RASGRF2: variants seen among roughly 807,000 people sequenced by gnomAD.
RASGRF2 encodes Ras protein specific guanine nucleotide releasing factor 2.
A neutral mutation model predicts 151.0 loss-of-function variants in RASGRF2; 76 were observed. That is an observed-to-expected ratio of 0.50 (90% CI 0.42 to 0.61). The LOEUF (loss-of-function observed/expected upper bound fraction) is 0.61. Among genes scored for constraint, RASGRF2 ranks in the 20% least tolerant of loss-of-function variants. The pLI, the probability that RASGRF2 is intolerant of heterozygous loss-of-function variation, is 0.00. For missense variants in RASGRF2, 1,148 were observed against 1,564.6 expected (o/e 0.73, Z 4.49); for synonymous variants, 504 against 566.5 (o/e 0.89, Z 1.57).
chr5:81,225,672 T>C lies in RASGRF2; in HGVS notation c.3622-6T>C. On this transcript the variant is annotated splice_region_variant and splice_polypyrimidine_tract_variant and intron_variant, in intron 26 of 26. Coordinates refer to ENST00000265080, the MANE Select transcript of RASGRF2 (RefSeq NM_006909.3). Reference sequence around the variant, plus strand: ...GTAAAAGCTGGGACTTCCCCTTTTTTTTCAGGTCGCACAGTACTTGCTTGA... The same window carrying C: ...GTAAAAGCTGGGACTTCCCCTTTTTCTTCAGGTCGCACAGTACTTGCTTGA... 1 of 1,612,016 alleles carries C rather than the reference T, an allele frequency of 6.2e-7. No individual in the cohort carries two copies. The highest frequency in any genetic ancestry group is 1.7e-4 in the Middle Eastern group (1 of 6,060).
intron 3 of RASGRF2, among the ~76,000 whole-genome samples, chr5:81,069,249 GT>G (rs982506436): frequency 6.6e-6 from 1 of 152,362 alleles, no homozygotes; most frequent in African/African-American, 2.4e-5. Flanking sequence ...CAACAGAGAT[GT>G]GGCAGCTTCT....
rs566862532 is a variant in RASGRF2 at position 81,092,981 on chromosome 5, G to C, written c.1551+20G>C. 6 of 1,582,722 alleles carry C rather than the reference G, an allele frequency of 3.8e-6. No homozygotes were observed. Among genetic ancestry groups the C allele is most frequent in the Non-Finnish European group, 5.2e-6 (6 of 1,162,458 alleles). ...CTCAAGGTACTGGTTTTCCATAACT[G>C]TTCCATTTATCTTCCAAGCACTTAC... On this transcript the variant is annotated intron_variant, in intron 10 of 26. Transcript: ENST00000265080.
chr5:81,182,151 G>GA (rs1754929973), intron 18 of RASGRF2, among the ~76,000 whole-genome samples: 1 of 152,168 alleles, frequency 6.6e-6, no homozygotes, highest in African/African-American at 2.4e-5. Flanking sequence ...ATTCCAGTTA[G>GA]AGGGATCCCA....
chr5:81,118,153 T>A (rs548093284), intron 15 of RASGRF2, among the ~76,000 whole-genome samples: 3 of 152,330 alleles, frequency 2.0e-5, no homozygotes, highest in Admixed American at 2.0e-4. Flanking sequence ...CACTAGGCAT[T>A]GCCCCAGTGA....
intron 26 of RASGRF2, chr5:81,223,394 C>G (rs1479194750): frequency 6.6e-6 from 1 of 152,158 alleles, no homozygotes; most frequent in African/African-American, 2.4e-5. Flanking sequence ...GTAATCCCAG[C>G]ACTTTGGGAG....
At chr5:81,222,863 T>G (rs1755883194) in intron 26 of RASGRF2, among the ~76,000 whole-genome samples, 1 of 148,798 alleles carries the variant, frequency 6.7e-6, no homozygotes, top group Admixed American at 6.9e-5. Flanking sequence ...ATACTATAAT[T>G]CACAGACGAT....
intron 17 of RASGRF2, among the ~76,000 whole-genome samples, chr5:81,133,444 C>T (rs1174538319): frequency 6.6e-6 from 1 of 152,202 alleles, no homozygotes; most frequent in Non-Finnish European, 1.5e-5. Flanking sequence ...TTTCAAATGG[C>T]TGCTGATACA....
At chr5:81,180,386 G>A in intron 18 of RASGRF2, 105 bp downstream of exon 18, 1 of 710,576 alleles carries the variant, frequency 1.4e-6, no homozygotes. Context: ...AGTTCAATGT[G>A]AAACCTTGAC....
chr5:81,094,408 G>GGA (rs769884806), intron 11 of RASGRF2, 46 bp downstream of exon 11: 2 of 1,533,662 alleles, frequency 1.3e-6, no homozygotes, highest in Admixed American at 3.6e-5. Context: ...ATTAGAGGCG[G>GGA]GAGAGAGAGG....
intron 1 of RASGRF2, among the ~76,000 whole-genome samples, chr5:81,034,621 A>G (rs1056871585): frequency 6.6e-6 from 1 of 151,752 alleles, no homozygotes; most frequent in African/African-American, 2.4e-5. Context: ...ATGCAGCCAT[A>G]AAAAATGATG....
intron 12 of RASGRF2, among the ~76,000 whole-genome samples, chr5:81,104,793 T>C (rs530294624): frequency 6.6e-6 from 1 of 152,280 alleles, no homozygotes; most frequent in South Asian, 2.1e-4. Context: ...AAACCCTGGA[T>C]TGGCACCATA....
chr5:81,200,326 CTG>C (rs1255743199), intron 18 of RASGRF2, among the ~76,000 whole-genome samples: 2 of 150,906 alleles, frequency 1.3e-5, no homozygotes, highest in African/African-American at 4.9e-5. Context: ...TTTTTAAAAT[CTG>C]TCTGTCTTTG....
chr5:81,110,255 G>A (rs1197379032), intron 13 of RASGRF2, among the ~76,000 whole-genome samples: 1 of 152,154 alleles, frequency 6.6e-6, no homozygotes, highest in Non-Finnish European at 1.5e-5. Flanking sequence ...TAGATGATTT[G>A]GGTTTGATCT....
At chr5:81,169,202 G>C (rs1754585097) in intron 17 of RASGRF2, among the ~76,000 whole-genome samples, 1 of 152,146 alleles carries the variant, frequency 6.6e-6, no homozygotes, top group Admixed American at 6.5e-5. Context: ...CTCAGGAAGT[G>C]GTATCATCAT....
At chr5:81,123,113 A>G (rs1321500286) in intron 15 of RASGRF2, among the ~76,000 whole-genome samples, 7 of 152,206 alleles carry the variant, frequency 4.6e-5, no homozygotes, top group African/African-American at 4.8e-5. Flanking sequence ...ACTTTAGTTA[A>G]TGTAAATTTA....
At chr5:81,208,988 T>G (rs902010095) in intron 22 of RASGRF2, among the ~76,000 whole-genome samples, 1 of 152,212 alleles carries the variant, frequency 6.6e-6, no homozygotes, top group African/African-American at 2.4e-5. Context: ...TGCTCAATAA[T>G]GTACAGGTTG....
At chr5:81,124,555 T>G (rs985162648) in intron 16 of RASGRF2, among the ~76,000 whole-genome samples, 2 of 152,136 alleles carry the variant, frequency 1.3e-5, no homozygotes, top group East Asian at 3.9e-4. Context: ...TAAAATAAGG[T>G]CCAGGTACAT....
At chr5:81,185,740 G>A (rs1301048516) in intron 18 of RASGRF2, among the ~76,000 whole-genome samples, 1 of 152,228 alleles carries the variant, frequency 6.6e-6, no homozygotes, top group Non-Finnish European at 1.5e-5. Context: ...AGGTGGTGGA[G>A]ACAGCAGAAA....
chr5:81,003,661 C>T (rs189762506), intron 1 of RASGRF2, among the ~76,000 whole-genome samples: 13 of 152,146 alleles, frequency 8.5e-5, no homozygotes, highest in Admixed American at 3.3e-4. Context: ...GATGCCTGGC[C>T]GAGACAATTT....
Sources: gnomAD v4.1 joint callset for allele counts (sites outside exome capture counted in the v4.1 genomes callset) on GRCh38, gnomAD v4.1.1 for gene constraint, MANE v1.5 for transcripts, NCBI Gene and HGNC (gene_info 2026-07-23, HGNC 2026-07-21) for gene names.